Variants in MCM6 observed in about 807,000 individuals in gnomAD.
MCM6 encodes the protein DNA replication licensing factor MCM6.
A neutral mutation model predicts 94.3 loss-of-function variants in MCM6; 46 were observed. The ratio of observed to expected loss-of-function variants is 0.49; its 90% CI spans 0.39 to 0.62. The LOEUF (loss-of-function observed/expected upper bound fraction) is 0.62. Ranked by LOEUF, MCM6 falls within the 20% of genes least tolerant of loss-of-function variation. The pLI, the probability that MCM6 is intolerant of heterozygous loss-of-function variation, is 0.00. For synonymous variants in MCM6, 335 were observed against 351.9 expected, an observed-to-expected ratio of 0.95 and a Z score of 0.54; for missense variants, 865 against 1,017.9, an observed-to-expected ratio of 0.85 and a Z score of 2.04.
chr2:135,850,188 T>C (rs1447935857), intron 13 of MCM6, among the ~76,000 whole-genome samples: 3 of 152,200 alleles, frequency 2.0e-5, no homozygotes, highest in African/African-American at 7.2e-5. Context: ...CACCCTTCAG[T>C]GACTGGGTTT....
chr2:135,860,084 G>A (rs1019842571), intron 8 of MCM6, among the ~76,000 whole-genome samples: 1 of 151,822 alleles, frequency 6.6e-6, no homozygotes, highest in East Asian at 1.9e-4. Flanking sequence ...GATTACAGGC[G>A]TGAGCCACCA....
At chr2:135,856,212 G>A (rs1263032738) in intron 11 of MCM6, among the ~76,000 whole-genome samples, 1 of 152,164 alleles carries the variant, frequency 6.6e-6, no homozygotes, top group Non-Finnish European at 1.5e-5. Context: ...AGGCTGAGGT[G>A]GGTGTGCATC....
At chr2:135,875,164 A>G (rs1680272577) in intron 1 of MCM6, among the ~76,000 whole-genome samples, 1 of 152,150 alleles carries the variant, frequency 6.6e-6, no homozygotes, top group South Asian at 2.1e-4. Context: ...TCGGGAGTTC[A>G]AGACCAGCCT....
intron 11 of MCM6, among the ~76,000 whole-genome samples, chr2:135,853,776 G>C (rs1190111410): frequency 6.6e-6 from 1 of 151,088 alleles, no homozygotes; most frequent in East Asian, 1.9e-4. Context: ...GCTCTCAAAT[G>C]GTTCAGGAAA....
chr2:135,866,342 C>A, intron 5 of MCM6, 65 bp from the exon 6 acceptor site: 1 of 1,573,234 alleles, frequency 6.4e-7, no homozygotes, highest in South Asian at 1.1e-5. Flanking sequence ...CAAAATTGCT[C>A]AAATAAATGA....
chr2:135,855,969 G>T (rs1314171785), intron 11 of MCM6, among the ~76,000 whole-genome samples: 2 of 150,626 alleles, frequency 1.3e-5, no homozygotes, highest in Non-Finnish European at 3.0e-5. Flanking sequence ...TTAAAAGTGA[G>T]AAAAAAAGGT....
chr2:135,854,143 C>T (rs1357260722), intron 11 of MCM6, among the ~76,000 whole-genome samples: 2 of 152,016 alleles, frequency 1.3e-5, no homozygotes, highest in African/African-American at 2.4e-5. Context: ...GGGAGGCTGG[C>T]TTGAGCCCAG....
chr2:135,872,789 A>G lies in MCM6; in HGVS notation c.162T>C (p.Ile54=). 6.2e-7 allele frequency: 1 copy of G among 1,614,236 alleles called. No individual in the cohort carries two copies. Among genetic ancestry groups the G allele is most frequent in the Non-Finnish European group, 8.5e-7 (1 of 1,180,044 alleles). ...IKYLQLAEEL[I]RPERNTLVVS... is the part of the protein sequence containing the mutation. Reference sequence around the variant, plus strand: ...CAACCAATGTGTTTCTCTCAGGACGAATCAGTTCCTCTGCTAATTGCAAGT... The same window carrying G: ...CAACCAATGTGTTTCTCTCAGGACGGATCAGTTCCTCTGCTAATTGCAAGT... The change falls in exon 2 of 17, where the codon ATT becomes ATC. Residue 54 remains isoleucine, a synonymous_variant. Coordinates refer to ENST00000264156, the MANE Select transcript of MCM6 (RefSeq NM_005915.6).
chr2:135,873,522 G>A (rs1174497180), intron 1 of MCM6, among the ~76,000 whole-genome samples: 3 of 152,186 alleles, frequency 2.0e-5, no homozygotes, highest in Non-Finnish European at 2.9e-5. Flanking sequence ...TAAAGCCCAA[G>A]CAGGATATCA....
chr2:135,845,844 T>G (rs1227919565), intron 15 of MCM6, among the ~76,000 whole-genome samples: 1 of 152,210 alleles, frequency 6.6e-6, no homozygotes, highest in African/African-American at 2.4e-5. Context: ...TTTGATAGTA[T>G]AGATTTCTAG....
At chr2:135,846,119 C>G (rs1679665580) in intron 15 of MCM6, 118 bp downstream of exon 15, 1 of 995,080 alleles carries the variant, frequency 1.0e-6, no homozygotes, top group Non-Finnish European at 1.5e-6. Context: ...GTGAGTTTAT[C>G]TAACAACTTA....
At chr2:135,851,092 T>G (rs536575338) in intron 13 of MCM6, among the ~76,000 whole-genome samples, 2 of 152,346 alleles carry the variant, frequency 1.3e-5, no homozygotes, top group East Asian at 3.9e-4. Flanking sequence ...TTATCTTATC[T>G]GTATTGCCAG....
At chr2:135,865,414 T>G (rs995328053) in intron 6 of MCM6, among the ~76,000 whole-genome samples, 3 of 152,198 alleles carry the variant, frequency 2.0e-5, no homozygotes, top group Non-Finnish European at 4.4e-5. Context: ...AGATAAGCGA[T>G]AGCAGAATGT....
chr2:135,870,455 T>C (rs1241982406), intron 2 of MCM6, 94 bp from the exon 3 acceptor site: 4 of 839,200 alleles, frequency 4.8e-6, no homozygotes, highest in East Asian at 4.9e-5. Context: ...AGGAATTTCA[T>C]CTGGTTACAA....
Position 135,870,252 on chromosome 2 carries a change from T to A in MCM6, c.364A>T (p.Lys122Ter). ...TTTTTCCAGAGAAGGGTTTCTTACTTGTGTCTGGTAGGCAGGTCTTGGAAT... is the reference window on the plus strand; with the variant it reads ...TTTTTCCAGAGAAGGGTTTCTTACTAGTGTCTGGTAGGCAGGTCTTGGAAT... The part of the protein sequence containing the change: ...VAFQDLPTRH[K>*]IRELTSSRIG... Residue 122 changes from lysine to a stop codon, truncating the protein, a stop_gained and splice_region_variant, in exon 3 of 17, where the codon AAG (lysine) becomes TAG (stop). Transcript: ENST00000264156. LOFTEE classifies it high-confidence loss of function. The A allele has an allele frequency of 6.2e-7, 1 of 1,608,092 alleles. No homozygotes were observed.
Position 135,846,164 on chromosome 2 carries a change from A to T in MCM6, c.2209+73T>A, listed in dbSNP as rs1679667001. ...CCGACAGAACAACACGAAGTTTGGC[A>T]ATCACAAGTGGCCTATGTGAACAGA... On this transcript the variant is annotated intron_variant, in intron 15 of 16. Transcript: ENST00000264156. 3 of 1,441,152 alleles carry T rather than the reference A, an allele frequency of 2.1e-6. No individual in the cohort carries two copies. In the Admixed American group the frequency reaches 5.6e-5, roughly 27 times the overall value. The allele number at this position is 1,441,152 out of a possible 1,614,324, so 89.3% of individuals were successfully genotyped here.
chr2:135,863,482 T>C (rs968778637), intron 7 of MCM6, among the ~76,000 whole-genome samples: 6 of 152,108 alleles, frequency 3.9e-5, no homozygotes, highest in Admixed American at 2.6e-4. Flanking sequence ...TCCGAGCACT[T>C]TGGAAGGCCA....
intron 8 of MCM6, among the ~76,000 whole-genome samples, chr2:135,860,378 C>T (rs1404257821): frequency 6.6e-6 from 1 of 152,122 alleles, no homozygotes; most frequent in East Asian, 1.9e-4. Flanking sequence ...TCATGATCCA[C>T]CCACCTCAGC....
intron 7 of MCM6, among the ~76,000 whole-genome samples, chr2:135,863,077 A>C (rs1680026404): frequency 6.6e-6 from 1 of 152,216 alleles, no homozygotes; most frequent in African/African-American, 2.4e-5. Flanking sequence ...TCTCCTGATA[A>C]ATGAACTATG....
Sources: gnomAD v4.1 joint callset for allele counts (sites outside exome capture counted in the v4.1 genomes callset) on GRCh38, gnomAD v4.1.1 for gene constraint, MANE v1.5 for transcripts, NCBI Gene and HGNC (gene_info 2026-07-23, HGNC 2026-07-21) for gene names.